Variants in GTF2F1 observed in about 807,000 individuals in gnomAD.
GTF2F1 encodes the protein general transcription factor IIF subunit 1.
A neutral mutation model predicts 63.5 loss-of-function variants in GTF2F1; 39 were observed. That is an observed-to-expected ratio of 0.61 (90% CI 0.48 to 0.80). The LOEUF (loss-of-function observed/expected upper bound fraction) is 0.80. Ranked by LOEUF, GTF2F1 falls within the 30% of genes least tolerant of loss-of-function variation. The probability of loss-of-function intolerance (pLI) is 0.00; values close to 1 mark genes in which losing one functional copy is unlikely to be tolerated. For synonymous variants in GTF2F1, 287 were observed against 285.3 expected, an observed-to-expected ratio of 1.01 and a Z score of -0.06; for missense variants, 657 against 718.3, an observed-to-expected ratio of 0.91 and a Z score of 0.97.
intron 5 of GTF2F1, among the ~76,000 whole-genome samples, chr19:6,385,288 G>C (rs1422346645): frequency 1.3e-5 from 2 of 148,272 alleles, no homozygotes; most frequent in Non-Finnish European, 3.0e-5. Context: ...CCAGCTACTC[G>C]CAAGGCTGAG....
Position 6,383,302 on chromosome 19 carries a change from C to A in GTF2F1, c.682+9G>T. On this transcript the variant is annotated intron_variant, in intron 6 of 12. Coordinates refer to ENST00000394456, the MANE Select transcript of GTF2F1 (RefSeq NM_002096.3). The surrounding 1 kb of genome is among the most constrained non-coding windows in gnomAD (Gnocchi z 4.5). ...CTCTGTGACCTAATGCCCAGGCGCCCGTACTCACCCTCCTCACCACTGGCA... is the reference window on the plus strand; with the variant it reads ...CTCTGTGACCTAATGCCCAGGCGCCAGTACTCACCCTCCTCACCACTGGCA... The A allele has an allele frequency of 6.2e-7, 1 of 1,613,140 alleles. No individual in the cohort carries two copies. The highest frequency in any genetic ancestry group is 8.5e-7 in the Non-Finnish European group (1 of 1,179,582).
intron 1 of GTF2F1, 32 bp from the exon 2 acceptor site, chr19:6,392,935 C>CG: frequency 1.9e-6 from 3 of 1,614,040 alleles, no homozygotes; most frequent in Non-Finnish European, 2.5e-6. Context: ...AGTGAGGGGT[C>CG]GCCGAGGTCG....
chr19:6,391,225 G>T (rs749884037), intron 3 of GTF2F1, among the ~76,000 whole-genome samples: 1 of 152,092 alleles, frequency 6.6e-6, no homozygotes, highest in Non-Finnish European at 1.5e-5. Context: ...ATGCTTTAAT[G>T]GCTCCCAAAG....
rs115426992 is a variant in GTF2F1 at position 6,380,824 on chromosome 19, C to T, written c.1231+80G>A. ...ACAGGCCTCCACCCGCATCTCCATC[C>T]CCTCTCTGTCCTGAGCCCCAACAGA... On this transcript the variant is annotated intron_variant, in intron 11 of 12. Transcript: ENST00000394456. This position sits in a 1 kb window ranked among gnomAD's most constrained non-coding sequence, Gnocchi z 5.3. 2,326 of 1,500,658 alleles carry T rather than the reference C, an allele frequency of 1.5e-3. 26 individuals are homozygous for T. In the African/African-American group the frequency reaches 0.028, roughly 18 times the overall value. 93.0% of individuals were successfully genotyped at this position (1,500,658 alleles called of 1,614,324 possible).
chr19:6,392,938 C>G, intron 1 of GTF2F1, 35 bp from the exon 2 acceptor site: 29 of 1,614,076 alleles, frequency 1.8e-5, no homozygotes, highest in Non-Finnish European at 2.5e-5. Context: ...GAGGGGTCGC[C>G]GAGGTCGCCG....
At position 6,380,893 on chromosome 19, in the gene GTF2F1, C is replaced by T. The variant is rs374734306; in HGVS notation, c.1231+11G>A. ...GTGGCTGTGGGGAGCGGGGAGGCCA[C>T]GGGCACTCACCTTGCTCGAGTTTGC... is the stretch of plus-strand genomic sequence containing the variant. On this transcript the variant is annotated intron_variant, in intron 11 of 12. Transcript: ENST00000394456. This position sits in a 1 kb window ranked among gnomAD's most constrained non-coding sequence, Gnocchi z 5.3. The T allele has an allele frequency of 3.2e-5, 49 of 1,544,890 alleles. No homozygotes were observed. The highest frequency in any genetic ancestry group is 1.9e-4 in the Admixed American group (10 of 52,512).
rs777991208 is a variant in GTF2F1, at chr19:6,389,571, C to T, written c.199G>A (p.Ala67Thr). ...YQEEEMPESG[A>T]GSEFNRKLRE... ...AGCTTGCGGTTGAACTCACTGCCCGCGCCCGATTCGGGCATCTCCTCCTCT... is the reference window on the plus strand; with the variant it reads ...AGCTTGCGGTTGAACTCACTGCCCGTGCCCGATTCGGGCATCTCCTCCTCT... Residue 67 changes from alanine (A) to threonine (T), a missense_variant, in exon 4 of 13, where the codon GCG (alanine) becomes ACG (threonine). Transcript: ENST00000394456. 7 of 1,614,028 alleles carry T rather than the reference C, an allele frequency of 4.3e-6. No individual in the cohort carries two copies. The highest frequency in any genetic ancestry group is 2.2e-5 in the East Asian group (1 of 44,886).
chr19:6,384,271 G>C (rs989865771), intron 5 of GTF2F1, among the ~76,000 whole-genome samples: 2 of 151,886 alleles, frequency 1.3e-5, no homozygotes, highest in South Asian at 4.2e-4. Context: ...ACTTTGGGAG[G>C]CCGAGGCAAG....
rs770567679 is a variant in GTF2F1 at position 6,381,579 on chromosome 19, C to T, written c.873G>A (p.Ala291=). The T allele has an allele frequency of 2.7e-5, 43 of 1,613,546 alleles. No individual in the cohort carries two copies. The South Asian group carries it at 3.3e-4, about 12-fold the overall frequency. Residue 291 remains alanine, a synonymous_variant, in exon 8 of 13, where the codon GCG becomes GCA. Transcript: ENST00000394456. The surrounding 1 kb of genome is among the most constrained non-coding windows in gnomAD (Gnocchi z 4.1). The part of the protein sequence containing the change: ...SQEEPESKAK[A]PQQEEGPKGV... Reference sequence around the variant, plus strand: ...CCTTGGGCCCCTCCTCCTGCTGCGGCGCCTTGGCCTTGCTCTCAGGCTCTT... The same window carrying T: ...CCTTGGGCCCCTCCTCCTGCTGCGGTGCCTTGGCCTTGCTCTCAGGCTCTT...
chr19:6,379,899 T>C lies in GTF2F1; in HGVS notation c.*382A>G, dbSNP rs1464956770. 1 of 269,136 alleles carries C rather than the reference T, an allele frequency of 3.7e-6. No individual in the cohort carries two copies. The highest frequency in any genetic ancestry group is 8.5e-5 in the East Asian group (1 of 11,732). The allele number at this position is 269,136 out of a possible 1,614,324, so 16.7% of individuals were successfully genotyped here. On this transcript the variant is annotated 3_prime_UTR_variant, in exon 13 of 13. Coordinates refer to ENST00000394456, the MANE Select transcript of GTF2F1 (RefSeq NM_002096.3). Reference sequence around the variant, plus strand: ...TGCCCAGCCAAAACTGAAGACTTACTGGGCTATGTGGTGGATAAGTCACAG... The same window carrying C: ...TGCCCAGCCAAAACTGAAGACTTACCGGGCTATGTGGTGGATAAGTCACAG...
At chr19:6,391,833 C>G in intron 3 of GTF2F1, 69 bp downstream of exon 3, 2 of 758,796 alleles carry the variant, frequency 2.6e-6, no homozygotes. Context: ...GCAACTATCA[C>G]AACCACCAAG....
chr19:6,384,987 T>C (rs920561178), intron 5 of GTF2F1, among the ~76,000 whole-genome samples: 9 of 151,966 alleles, frequency 5.9e-5, no homozygotes, highest in Middle Eastern at 3.4e-3. Flanking sequence ...TTTCACCAAA[T>C]TGGCCAGGCT....
At position 6,383,314 on chromosome 19, in the gene GTF2F1, C is replaced by T; in HGVS notation, c.679G>A (p.Glu227Lys). 6.2e-7 allele frequency: 1 copy of T among 1,613,866 alleles called. No individual in the cohort carries two copies. The highest frequency in any genetic ancestry group is 8.5e-7 in the Non-Finnish European group (1 of 1,179,996). The change falls in exon 6 of 13, where the codon GAG (glutamate) becomes AAG (lysine). Residue 227 changes from glutamate to lysine, a missense_variant. Glu to Lys is a moderately conservative substitution (Grantham distance 56, BLOSUM62 1). Coordinates refer to ENST00000394456, the MANE Select transcript of GTF2F1 (RefSeq NM_002096.3). This position sits in a 1 kb window ranked among gnomAD's most constrained non-coding sequence, Gnocchi z 4.5. The part of the protein sequence containing the change: ...SSDASDASGE[E>K]GGRVPKAKKK... ...ATGCCCAGGCGCCCGTACTCACCCT[C>T]CTCACCACTGGCATCACTGGCATCG...
At position 6,380,213 on chromosome 19, in the gene GTF2F1, T is replaced by A. The variant is rs1041444132; in HGVS notation, c.*68A>T. 1.5e-6 allele frequency: 2 copies of A among 1,317,516 alleles called. No individual in the cohort carries two copies. Among genetic ancestry groups the A allele is most frequent in the African/African-American group, 1.4e-5 (1 of 69,218 alleles). 81.6% of individuals were successfully genotyped at this position (1,317,516 alleles called of 1,614,324 possible). On this transcript the variant is annotated 3_prime_UTR_variant, in exon 13 of 13. Transcript: ENST00000394456. This position sits in a 1 kb window ranked among gnomAD's most constrained non-coding sequence, Gnocchi z 5.3. ...AGCCATGTATTGGACAGAGCCTCAC[T>A]CTAGGATGGCGAAGGGGCAGTGAGA... is the stretch of plus-strand genomic sequence containing the variant.
chr19:6,390,864 G>A (rs1158517508), intron 3 of GTF2F1, among the ~76,000 whole-genome samples: 1 of 152,010 alleles, frequency 6.6e-6, no homozygotes, highest in African/African-American at 2.4e-5. Flanking sequence ...TGGATGACAA[G>A]AGACTCCATC....
intron 3 of GTF2F1, among the ~76,000 whole-genome samples, chr19:6,390,666 G>A (rs1433201519): frequency 6.6e-6 from 1 of 151,670 alleles, no homozygotes; most frequent in African/African-American, 2.4e-5. Flanking sequence ...GATCACTTGA[G>A]GTCAGGAGTT....
Position 6,380,978 on chromosome 19 carries a change from C to A in GTF2F1, c.1157G>T (p.Arg386Leu). 6.2e-7 allele frequency: 1 copy of A among 1,605,186 alleles called. No individual in the cohort carries two copies. The highest frequency in any genetic ancestry group is 8.5e-7 in the Non-Finnish European group (1 of 1,176,074). The change falls in exon 11 of 13, where the codon CGC (arginine) becomes CTC (leucine). Residue 386 changes from arginine (R) to leucine (L), a missense_variant. By Grantham distance (102) the Arg-to-Leu change is moderately radical. Around this residue, in one of 2 missense-constraint regions of GTF2F1, gnomAD observed 602 missense variants for 625.6 expected, o/e 0.96. Transcript: ENST00000394456. This position sits in a 1 kb window ranked among gnomAD's most constrained non-coding sequence, Gnocchi z 5.3. Reference protein sequence around the residue: ...PSGGSSRGNSRPGTPSAEGGS... With the variant: ...PSGGSSRGNSLPGTPSAEGGS... ...ACCCTCTGCGCTGGGCGTGCCTGGG[C>A]GGCTGTTGCCCCTTGAGCTCCCTCC...
chr19:6,381,303 G>T lies in GTF2F1; in HGVS notation c.1018+56C>A. 6.5e-7 allele frequency: 1 copy of T among 1,543,072 alleles called. No homozygotes were observed. ...GCCTGCAGGGGAGAGGGGAGGAGGT[G>T]GCAGGGCGCCAGGGCCCGACCCAAG... On this transcript the variant is annotated intron_variant, in intron 9 of 12. Coordinates refer to ENST00000394456, the MANE Select transcript of GTF2F1 (RefSeq NM_002096.3). The surrounding 1 kb of genome is among the most constrained non-coding windows in gnomAD (Gnocchi z 4.1).
Position 6,381,367 on chromosome 19 carries a change from C to A in GTF2F1, c.1010G>T (p.Arg337Leu), listed in dbSNP as rs1346827975. The A allele has an allele frequency of 8.7e-6, 14 of 1,600,628 alleles. No homozygotes were observed. Among genetic ancestry groups the A allele is most frequent in the East Asian group, 2.3e-5 (1 of 44,368 alleles). The change falls in exon 9 of 13, where the codon CGC becomes CTC. Residue 337 changes from arginine to leucine, a missense_variant. Arg to Leu is a moderately radical substitution (Grantham distance 102, BLOSUM62 -2). Coordinates refer to ENST00000394456, the MANE Select transcript of GTF2F1 (RefSeq NM_002096.3). The surrounding 1 kb of genome is among the most constrained non-coding windows in gnomAD (Gnocchi z 4.1). ...KKAPTPQEKKRRKDSSEESDS... is the reference protein window; with the variant it reads ...KKAPTPQEKKLRKDSSEESDS... Reference sequence around the variant, plus strand: ...GGCCACATGCGCCGCACCTTTCCTGCGCTTCTTCTCCTGCGGGGTGGGTGC... The same window carrying A: ...GGCCACATGCGCCGCACCTTTCCTGAGCTTCTTCTCCTGCGGGGTGGGTGC...
Sources: gnomAD v4.1 joint callset for allele counts (sites outside exome capture counted in the v4.1 genomes callset) on GRCh38, gnomAD v4.1.1 for gene constraint, gnomAD v4.1.1 regional missense constraint, Gnocchi (gnomAD v3.1) non-coding constraint, MANE v1.5 for transcripts, NCBI Gene and HGNC (gene_info 2026-07-23, HGNC 2026-07-21) for gene names.